GRB2: variants seen among roughly 807,000 people sequenced by gnomAD.
GRB2 encodes the protein growth factor receptor bound protein 2, also known as growth factor receptor-bound protein 2.
Under a neutral mutation model 27.4 loss-of-function variants are expected in GRB2, and 2 were observed. The observed-to-expected ratio is 0.07, with a 90% confidence interval of 0.03 to 0.23. GRB2 has a LOEUF of 0.23. Among genes scored for constraint, GRB2 ranks in the 10% least tolerant of loss-of-function variants. The probability of loss-of-function intolerance (pLI) is 1.00; values close to 1 mark genes in which losing one functional copy is unlikely to be tolerated. For synonymous variants in GRB2, 94 were observed against 99.6 expected, an observed-to-expected ratio of 0.94 and a Z score of 0.33; for missense variants, 102 against 282.4, an observed-to-expected ratio of 0.36 and a Z score of 4.58.
chr17:75,320,344 C>CT lies in GRB2; in HGVS notation c.*23dup. On this transcript the variant is annotated 3_prime_UTR_variant, in exon 6 of 6. Transcript: ENST00000316804. The surrounding 1 kb of genome is among the most constrained non-coding windows in gnomAD (Gnocchi z 4.3). The stretch of plus-strand genomic sequence containing the variant: ...GTATGTGTTTTACATTTTTCACTTT[C>CT]TTTAAATAATTGCTTCTTGACTCTT... 1 of 1,597,628 alleles carries CT rather than the reference C, an allele frequency of 6.3e-7. No individual in the cohort carries two copies. The highest frequency in any genetic ancestry group is 8.6e-7 in the Non-Finnish European group (1 of 1,165,722).
chr17:75,330,669 G>A (rs1350537274), intron 3 of GRB2, among the ~76,000 whole-genome samples: 4 of 151,088 alleles, frequency 2.6e-5, no homozygotes, highest in Non-Finnish European at 4.4e-5. Context: ...GCAGGATTCC[G>A]TCTCATAAAA....
At chr17:75,360,530 T>G (rs368547158) in intron 2 of GRB2, among the ~76,000 whole-genome samples, 2 of 152,308 alleles carry the variant, frequency 1.3e-5, no homozygotes. Context: ...CCCCTACTGA[T>G]TCAACTGAGG....
At chr17:75,342,427 TCTCTC>T (rs912477821) in intron 2 of GRB2, among the ~76,000 whole-genome samples, 3 of 152,152 alleles carry the variant, frequency 2.0e-5, no homozygotes, top group African/African-American at 7.2e-5. Context: ...TTATACATTC[TCTCTC>T]TTCTTTTTTA....
At chr17:75,401,731 A>G (rs981346853) in intron 1 of GRB2, among the ~76,000 whole-genome samples, 2 of 152,238 alleles carry the variant, frequency 1.3e-5, no homozygotes, top group East Asian at 1.9e-4. Flanking sequence ...AATGGGAATA[A>G]TAACAGCCAA....
chr17:75,366,700 C>G (rs868016285), intron 2 of GRB2, among the ~76,000 whole-genome samples: 2 of 151,966 alleles, frequency 1.3e-5, no homozygotes, highest in African/African-American at 2.4e-5. Flanking sequence ...GTTTCAGCTA[C>G]TTGGGAGGCT....
At chr17:75,330,508 T>C (rs1351462837) in intron 3 of GRB2, among the ~76,000 whole-genome samples, 3 of 152,034 alleles carry the variant, frequency 2.0e-5, no homozygotes, top group African/African-American at 4.8e-5. Context: ...ACCCCATCTC[T>C]ACTAAAAATA....
intron 2 of GRB2, among the ~76,000 whole-genome samples, chr17:75,354,348 C>T (rs966792859): frequency 6.6e-6 from 1 of 151,600 alleles, no homozygotes; most frequent in Non-Finnish European, 1.5e-5. Context: ...CAACAACCTC[C>T]ACTTCCCATG....
chr17:75,347,125 T>C (rs1380512622), intron 2 of GRB2, among the ~76,000 whole-genome samples: 1 of 152,162 alleles, frequency 6.6e-6, no homozygotes, highest in Admixed American at 6.5e-5. Flanking sequence ...GGTGGTAACC[T>C]GATTACCAGC....
Position 75,324,507 on chromosome 17 carries a change from G to GTCTTTTTTTTTTTTTTTTTT in GRB2, c.299+1390_299+1391insAAAAAAAAAAAAAAAAAAGA, listed in dbSNP as rs1555608338. ...TTACAGGTGTGAGCCACCGCACCCA[G>GTCTTTTTTTTTTTTTTTTTT]TTTTTTTTTTTTTTTTTTTTTTTTT... On this transcript the variant is annotated intron_variant, in intron 4 of 5. Transcript: ENST00000316804. 2.2e-4 allele frequency among the ~76,000 whole-genome samples: 8 copies of GTCTTTTTTTTTTTTTTTTTT among 36,698 alleles called. 2 individuals are homozygous for GTCTTTTTTTTTTTTTTTTTT. Among genetic ancestry groups the GTCTTTTTTTTTTTTTTTTTT allele is most frequent in the Admixed American group, 1.1e-3 (3 of 2,644 alleles). 24.1% of individuals were successfully genotyped at this position (36,698 alleles called of 152,430 possible). A position where few individuals can be genotyped will look rare whatever the true frequency, so the allele number is the denominator to read the frequency against.
intron 2 of GRB2, among the ~76,000 whole-genome samples, chr17:75,376,849 A>AAAACAAAC (rs959972755): frequency 6.6e-6 from 1 of 151,798 alleles, no homozygotes; most frequent in African/African-American, 2.4e-5. Flanking sequence ...AAAACAAAAC[A>AAAACAAAC]AAACAAACAA....
chr17:75,322,372 CAAA>C (rs544297344), intron 4 of GRB2, among the ~76,000 whole-genome samples: 7 of 84,608 alleles, frequency 8.3e-5, no homozygotes, highest in African/African-American at 4.9e-5. Flanking sequence ...AACTCTGTCT[CAAA>C]AAAAAAAAAA....
intron 4 of GRB2, among the ~76,000 whole-genome samples, chr17:75,325,068 C>CT (rs1278079810): frequency 2.6e-5 from 4 of 152,028 alleles, no homozygotes; most frequent in Admixed American, 1.3e-4. Flanking sequence ...GAGCGAGACT[C>CT]TGTCTCAAAA....
At chr17:75,336,274 G>A (rs1024407533) in intron 2 of GRB2, among the ~76,000 whole-genome samples, 4 of 152,148 alleles carry the variant, frequency 2.6e-5, no homozygotes, top group East Asian at 1.9e-4. Context: ...GGGACTACAG[G>A]TGCGTGCACC....
At chr17:75,392,948 C>G (rs2079007852) in intron 2 of GRB2, among the ~76,000 whole-genome samples, 1 of 152,154 alleles carries the variant, frequency 6.6e-6, no homozygotes, top group Non-Finnish European at 1.5e-5. Context: ...CCTCAAGTTT[C>G]TTTTAAGAAA....
rs531205035 is a variant in GRB2, at chr17:75,339,352, C to T, written c.79-6555G>A. On this transcript the variant is annotated intron_variant, in intron 2 of 5. Coordinates refer to ENST00000316804, the MANE Select transcript of GRB2 (RefSeq NM_002086.5). ...GGGACTACAGGCGCCCGCCACCACG[C>T]CCGGCTATTTTTTTGTATTTTTAGT... Among the ~76,000 whole-genome samples, 16 of 151,898 alleles carry T rather than the reference C, an allele frequency of 1.1e-4. No individual in the cohort carries two copies. The East Asian group carries it at 3.1e-3, about 29-fold the overall frequency.
intron 2 of GRB2, among the ~76,000 whole-genome samples, chr17:75,391,731 C>T (rs979250172): frequency 2.7e-5 from 4 of 149,468 alleles, no homozygotes; most frequent in African/African-American, 5.0e-5. Context: ...TGGCATGAAC[C>T]TGGGAGGTGG....
At chr17:75,374,180 C>T (rs1392953869) in intron 2 of GRB2, among the ~76,000 whole-genome samples, 4 of 151,506 alleles carry the variant, frequency 2.6e-5, no homozygotes, top group Non-Finnish European at 5.9e-5. Context: ...CCGAGGCAGG[C>T]GGATCATCTG....
chr17:75,339,156 T>G, intron 2 of GRB2: 1 of 1,152,324 alleles, frequency 8.7e-7, no homozygotes, highest in South Asian at 1.2e-5. Context: ...AAGTGTCATC[T>G]TTTGTTTTAT....
intron 2 of GRB2, among the ~76,000 whole-genome samples, chr17:75,353,353 A>G (rs2078705922): frequency 6.6e-6 from 1 of 152,080 alleles, no homozygotes; most frequent in African/African-American, 2.4e-5. Flanking sequence ...GTAGACTGAA[A>G]AAAATCCGTG....
Sources: gnomAD v4.1 joint callset for allele counts (sites outside exome capture counted in the v4.1 genomes callset) on GRCh38, gnomAD v4.1.1 for gene constraint, Gnocchi (gnomAD v3.1) non-coding constraint, MANE v1.5 for transcripts, NCBI Gene and HGNC (gene_info 2026-07-23, HGNC 2026-07-21) for gene names.